The following TRIM67 variants were observed in gnomAD, a reference collection of about 807,000 sequenced individuals.
TRIM67 encodes the protein tripartite motif containing 67, also known as tripartite motif-containing protein 67.
TRIM67 carries 39 observed loss-of-function variants against 71.0 expected under a neutral mutation model. The observed-to-expected ratio is 0.55, with a 90% CI of 0.43 to 0.72. The LOEUF is 0.72. Among genes scored for constraint, TRIM67 ranks in the 30% least tolerant of loss-of-function variants. TRIM67 has a pLI of 0.00. For synonymous variants in TRIM67, 481 were observed against 473.9 expected, an observed-to-expected ratio of 1.01 and a Z score of -0.19; for missense variants, 973 against 1,079.2, an observed-to-expected ratio of 0.90 and a Z score of 1.38.
At chr1:231,194,125 G>T (rs1683307396) in intron 1 of TRIM67, among the ~76,000 whole-genome samples, 1 of 152,218 alleles carries the variant, frequency 6.6e-6, no homozygotes, top group African/African-American at 2.4e-5. Flanking sequence ...TGAAGCCCCA[G>T]GTCTGTGTGT....
chr1:231,181,138 A>T lies in TRIM67; in HGVS notation c.1045-16233A>T, dbSNP rs138272584. ...GCACCGCCATGTCCAGCTAATTTTT[A>T]TATTTTTAGTAAAGATGAGGTTTTA... On this transcript the variant is annotated intron_variant, in intron 1 of 9. Coordinates refer to ENST00000366653, the MANE Select transcript of TRIM67 (RefSeq NM_001004342.5). 4.5e-4 allele frequency among the ~76,000 whole-genome samples: 68 copies of T among 152,180 alleles called. 2 individuals are homozygous for T. The highest frequency in any genetic ancestry group is 1.6e-3 in the African/African-American group (67 of 41,522).
chr1:231,191,532 G>A (rs1390674959), intron 1 of TRIM67, among the ~76,000 whole-genome samples: 3 of 152,200 alleles, frequency 2.0e-5, no homozygotes, highest in African/African-American at 4.8e-5. Context: ...GGGAGAGCAG[G>A]GCAGGGCAGA....
intron 7 of TRIM67, among the ~76,000 whole-genome samples, chr1:231,207,915 T>C (rs1291852304): frequency 6.6e-6 from 1 of 152,064 alleles, no homozygotes; most frequent in African/African-American, 2.4e-5. Flanking sequence ...AAATGGAGAA[T>C]TGAGCTTTGT....
chr1:231,202,166 AGTGGAG>A (rs1683562809), intron 5 of TRIM67, among the ~76,000 whole-genome samples: 15 of 2,320 alleles, frequency 6.5e-3, no homozygotes, highest in Non-Finnish European at 9.6e-3. Flanking sequence ...AGGAGGAGGT[AGTGGAG>A]GAGGAGGTGG....
Position 231,219,805 on chromosome 1 carries a change from A to T in TRIM67, c.*4365A>T, listed in dbSNP as rs1171145869. On this transcript the variant is annotated 3_prime_UTR_variant, in exon 10 of 10. Transcript: ENST00000366653. ...AGTGAGCCGGTAGCTGTGTTTGTTG[A>T]CCACATTCTTTGGCAGTTCCTCCCA... 2 of 1,270,374 alleles carry T rather than the reference A, an allele frequency of 1.6e-6. No homozygotes were observed. Among genetic ancestry groups the T allele is most frequent in the Non-Finnish European group, 2.0e-6 (2 of 978,264 alleles). The allele number at this position is 1,270,374 out of a possible 1,614,324, so 78.7% of individuals were successfully genotyped here.
intron 1 of TRIM67, among the ~76,000 whole-genome samples, chr1:231,183,213 A>G (rs1456543424): frequency 2.6e-5 from 4 of 152,182 alleles, no homozygotes; most frequent in African/African-American, 9.7e-5. Context: ...CTGTCTTTGC[A>G]TTTGTTGGGC....
At chr1:231,175,823 C>T (rs1192335505) in intron 1 of TRIM67, among the ~76,000 whole-genome samples, 1 of 152,198 alleles carries the variant, frequency 6.6e-6, no homozygotes, top group Non-Finnish European at 1.5e-5. Flanking sequence ...CAAATAGATC[C>T]TTGAGTGATT....
intron 5 of TRIM67, among the ~76,000 whole-genome samples, chr1:231,203,102 T>G (rs868683400): frequency 6.6e-6 from 1 of 152,130 alleles, no homozygotes; most frequent in Non-Finnish European, 1.5e-5. Context: ...TGGAACCAAA[T>G]TGAAATATGT....
rs376121330 is a variant in TRIM67, at chr1:231,209,499, C to A, written c.2123+249C>A. ...CAGATGGGTCTCCCAAGTTACCCAG[C>A]GGGCCACACGGTGGTCCTCTGCTGG... On this transcript the variant is annotated intron_variant, in intron 8 of 9. Coordinates refer to ENST00000366653, the MANE Select transcript of TRIM67 (RefSeq NM_001004342.5). The surrounding 1 kb of genome is among the most constrained non-coding windows in gnomAD (Gnocchi z 4.1). Among the ~76,000 whole-genome samples, 1 of 152,242 alleles carries A rather than the reference C, an allele frequency of 6.6e-6. No homozygotes were observed. Among genetic ancestry groups the A allele is most frequent in the Non-Finnish European group, 1.5e-5 (1 of 68,044 alleles).
In TRIM67 at chr1:231,163,684, C is replaced by T; in HGVS notation, c.715C>T (p.His239Tyr). 1 of 1,513,574 alleles carries T rather than the reference C, an allele frequency of 6.6e-7. No individual in the cohort carries two copies. The allele number at this position is 1,513,574 out of a possible 1,614,324, so 93.8% of individuals were successfully genotyped here. Residue 239 changes from histidine (H) to tyrosine (Y), a missense_variant, in exon 1 of 10, where the codon CAT (histidine) becomes TAT (tyrosine). By Grantham distance (83) the His-to-Tyr change is moderately conservative. Around this residue, in one of 2 missense-constraint regions of TRIM67, gnomAD observed 795 missense variants for 831.3 expected, o/e 0.96. Transcript: ENST00000366653. ...LYCSACQLKC[H>Y]PSRGPFAKHR... ...CTGCTCTGCCTGCCAGCTCAAGTGC[C>T]ATCCATCCCGGGGACCCTTCGCCAA...
In TRIM67 at chr1:231,217,946, C is replaced by G. The variant is rs541554967; in HGVS notation, c.*2506C>G. 4.3e-5 allele frequency: 55 copies of G among 1,268,644 alleles called. No homozygotes were observed. In the African/African-American group the frequency reaches 7.8e-4, roughly 18 times the overall value. 78.6% of individuals were successfully genotyped at this position (1,268,644 alleles called of 1,614,324 possible). A position where few individuals can be genotyped will look rare whatever the true frequency, so the allele number is the denominator to read the frequency against. ...CCCTCCTCCCCACTGCCACCCTGAG[C>G]TTGGGGGCTGGGATTCTCCCTTTTC... is the stretch of plus-strand genomic sequence containing the variant. On this transcript the variant is annotated 3_prime_UTR_variant, in exon 10 of 10. Transcript: ENST00000366653.
intron 1 of TRIM67, chr1:231,184,825 C>G (rs1215129574): frequency 1.7e-6 from 1 of 598,004 alleles, no homozygotes; most frequent in Non-Finnish European, 3.0e-6. Context: ...AACCTTGAGG[C>G]AGGCCTTTGG....
chr1:231,203,504 G>A (rs1337413679), intron 5 of TRIM67, among the ~76,000 whole-genome samples: 1 of 152,226 alleles, frequency 6.6e-6, no homozygotes, highest in Non-Finnish European at 1.5e-5. Context: ...TGTTGGAACT[G>A]TTGATGCGTT....
Position 231,163,379 on chromosome 1 carries a change from C to G in TRIM67, c.410C>G (p.Ser137Cys). 6.5e-7 allele frequency: 1 copy of G among 1,536,204 alleles called. No individual in the cohort carries two copies. Among genetic ancestry groups the G allele is most frequent in the Non-Finnish European group, 8.8e-7 (1 of 1,142,428 alleles). Residue 137 changes from serine to cysteine, a missense_variant, in exon 1 of 10, where the codon TCC (serine) becomes TGC (cysteine). Physicochemically the swap from Ser to Cys is moderately radical, Grantham distance 112 (BLOSUM62 -1). This residue lies in a region of TRIM67 where 795 missense variants were observed against 831.3 expected (regional missense o/e 0.96). Transcript: ENST00000366653. ...VLPMVPAPPG[S>C]SAAAARGAAC... ...CCCATGGTGCCCGCACCACCCGGCT[C>G]CTCGGCTGCGGCGGCTCGGGGTGCC... is the stretch of plus-strand genomic sequence containing the variant.
chr1:231,193,210 TA>T (rs1166489115), intron 1 of TRIM67, among the ~76,000 whole-genome samples: 2 of 152,250 alleles, frequency 1.3e-5, no homozygotes, highest in Non-Finnish European at 2.9e-5. Context: ...TTTTGCTTTT[TA>T]TTCAGCCGGG....
rs1683714149 is a variant in TRIM67, at chr1:231,206,782, C to T, written c.1811C>T (p.Thr604Ile). The change falls in exon 7 of 10, where the codon ACA becomes ATA. Residue 604 changes from threonine to isoleucine, a missense_variant. Thr to Ile is a moderately conservative substitution (Grantham distance 89). Coordinates refer to ENST00000366653, the MANE Select transcript of TRIM67 (RefSeq NM_001004342.5). ...TACAGTAAAACTGTCGTCCTGCAGA[C>T]ATCCGATGGTGAGCATCGGGATCTC... is the stretch of plus-strand genomic sequence containing the variant. The part of the protein sequence containing the change: ...GPYSKTVVLQ[T>I]SDVAWFTFDP... The T allele has an allele frequency of 3.1e-6, 5 of 1,597,672 alleles. No individual in the cohort carries two copies. The highest frequency in any genetic ancestry group is 4.3e-6 in the Non-Finnish European group (5 of 1,172,840).
intron 1 of TRIM67, among the ~76,000 whole-genome samples, chr1:231,192,699 G>C (rs1373870986): frequency 1.3e-5 from 2 of 152,178 alleles, no homozygotes; most frequent in Non-Finnish European, 2.9e-5. Context: ...GCCCATTTTG[G>C]CTCTTCCATG....
rs1461788458 is a variant in TRIM67, at chr1:231,218,705, A to G, written c.*3265A>G. The G allele has an allele frequency of 6.1e-6, 6 of 985,312 alleles. No homozygotes were observed. In the East Asian group the frequency reaches 6.8e-4, roughly 112 times the overall value. The allele number at this position is 985,312 out of a possible 1,614,324, so 61.0% of individuals were successfully genotyped here. ...AAAACTGTATATATTTCCAGGCTGC[A>G]TCTTCAGCCTGATATGTACTTTGTA... On this transcript the variant is annotated 3_prime_UTR_variant, in exon 10 of 10. Transcript: ENST00000366653.
At position 231,216,975 on chromosome 1, in the gene TRIM67, T is replaced by G; in HGVS notation, c.*1535T>G. On this transcript the variant is annotated 3_prime_UTR_variant, in exon 10 of 10. Transcript: ENST00000366653. ...TTTATTTCTGAGGCTGAGAAGTGAC[T>G]TGTCAATTTGCTGGACTGGATTTTT... The G allele has an allele frequency of 1.0e-6, 1 of 985,878 alleles. No individual in the cohort carries two copies. The highest frequency in any genetic ancestry group is 1.2e-6 in the Non-Finnish European group (1 of 829,956). The allele number at this position is 985,878 out of a possible 1,614,324, so 61.1% of individuals were successfully genotyped here.
Sources: gnomAD v4.1 joint callset for allele counts (sites outside exome capture counted in the v4.1 genomes callset) on GRCh38, gnomAD v4.1.1 for gene constraint, gnomAD v4.1.1 regional missense constraint, Gnocchi (gnomAD v3.1) non-coding constraint, MANE v1.5 for transcripts, NCBI Gene and HGNC (gene_info 2026-07-23, HGNC 2026-07-21) for gene names.